Variants in ANKRD28 observed in about 807,000 individuals in gnomAD.
ANKRD28 encodes the protein serine/threonine-protein phosphatase 6 regulatory ankyrin repeat subunit A.
ANKRD28 carries 44 observed loss-of-function variants against 126.5 expected under a neutral mutation model. The ratio of observed to expected loss-of-function variants is 0.35; its 90% CI spans 0.27 to 0.45. The LOEUF (loss-of-function observed/expected upper bound fraction) is 0.45. Ranked by LOEUF, ANKRD28 falls within the 20% of genes least tolerant of loss-of-function variation. The pLI is 1.00. For synonymous variants in ANKRD28, 442 were observed against 468.5 expected (o/e 0.94, Z 0.73); for missense variants, 1,110 against 1,316.6 (o/e 0.84, Z 2.43).
In ANKRD28 at chr3:15,685,996, G is replaced by T. The variant is rs1381633844; in HGVS notation, c.2169+6C>A. ...TTTTGAAAGGAAAGAGCATATTTCT[G>T]CTTACCCCTCTATGCAACGCTGTCC... is the stretch of plus-strand genomic sequence containing the variant. On this transcript the variant is annotated splice_donor_region_variant and intron_variant, in intron 20 of 27. Coordinates refer to ENST00000683139, the MANE Select transcript of ANKRD28 (RefSeq NM_001349278.2). 1.2e-6 allele frequency: 2 copies of T among 1,609,712 alleles called. No homozygotes were observed. Among genetic ancestry groups the T allele is most frequent in the Middle Eastern group, 1.7e-4 (1 of 6,042 alleles).
intron 1 of ANKRD28, among the ~76,000 whole-genome samples, chr3:15,828,264 G>C (rs989401774): frequency 6.6e-6 from 1 of 152,102 alleles, no homozygotes; most frequent in Non-Finnish European, 1.5e-5. Flanking sequence ...CAAAACAGGC[G>C]AATGATTATG....
intron 1 of ANKRD28, among the ~76,000 whole-genome samples, chr3:15,805,076 A>T (rs1365824258): frequency 6.9e-6 from 1 of 144,896 alleles, no homozygotes; most frequent in African/African-American, 2.6e-5. Flanking sequence ...GTGTAGATTC[A>T]ACAGTTACAC....
intron 14 of ANKRD28, among the ~76,000 whole-genome samples, chr3:15,707,711 G>C (rs752588610): frequency 6.6e-6 from 1 of 152,200 alleles, no homozygotes; most frequent in Non-Finnish European, 1.5e-5. Context: ...TCTTCCACCA[G>C]ATCAGCTAGT....
chr3:15,833,510 G>A lies in ANKRD28; in HGVS notation c.27+25867C>T, dbSNP rs914668418. Among the ~76,000 whole-genome samples the A allele has an allele frequency of 4.7e-4, 69 of 146,542 alleles. No homozygotes were observed. Among genetic ancestry groups the A allele is most frequent in the African/African-American group, 1.7e-3 (66 of 39,402 alleles). On this transcript the variant is annotated intron_variant, in intron 1 of 27. Coordinates refer to the ANKRD28 transcript ENST00000399451. This position sits in a 1 kb window ranked among gnomAD's most constrained non-coding sequence, Gnocchi z 4.4. ...TATATAAAAATATACTACATATTATGTACTATATATATATAAAATATATAC... is the reference window on the plus strand; with the variant it reads ...TATATAAAAATATACTACATATTATATACTATATATATATAAAATATATAC...
chr3:15,800,733 T>G (rs1488482803), upstream of ANKRD28, among the ~76,000 whole-genome samples: 1 of 152,120 alleles, frequency 6.6e-6, no homozygotes, highest in Non-Finnish European at 1.5e-5. Context: ...CTTCCATTCT[T>G]CTACCTTCAC....
In ANKRD28 at chr3:15,766,736, T is replaced by TA. The variant is rs1294253057; in HGVS notation, c.202-425dup. 6.6e-5 allele frequency among the ~76,000 whole-genome samples: 10 copies of TA among 151,878 alleles called. No homozygotes were observed. In the East Asian group the frequency reaches 1.9e-3, roughly 29 times the overall value. ...GTATTTCCTTGCTAAGGCAAAAGCCTAAAAAAATACTTGACCTTAAAATAG... is the reference window on the plus strand; with the variant it reads ...GTATTTCCTTGCTAAGGCAAAAGCCTAAAAAAAATACTTGACCTTAAAATAG... On this transcript the variant is annotated intron_variant, in intron 2 of 27. Coordinates refer to ENST00000683139, the MANE Select transcript of ANKRD28 (RefSeq NM_001349278.2).
chr3:15,833,109 C>T lies in ANKRD28; in HGVS notation c.27+26268G>A, dbSNP rs533754953. On this transcript the variant is annotated intron_variant, in intron 1 of 27. Coordinates refer to the ANKRD28 transcript ENST00000399451. This position sits in a 1 kb window ranked among gnomAD's most constrained non-coding sequence, Gnocchi z 4.4. ...TGTGATGGTTAAAACTGAGTGTCAA[C>T]TTGATTGGATTGAAGGATGCAAAGT... is the stretch of plus-strand genomic sequence containing the variant. Among the ~76,000 whole-genome samples, 1 of 152,230 alleles carries T rather than the reference C, an allele frequency of 6.6e-6. No homozygotes were observed. The highest frequency in any genetic ancestry group is 2.4e-5 in the African/African-American group (1 of 41,548).
chr3:15,789,105 G>A (rs1464974437), intron 2 of ANKRD28, among the ~76,000 whole-genome samples: 2 of 152,040 alleles, frequency 1.3e-5, no homozygotes, highest in Non-Finnish European at 2.9e-5. Context: ...TCCACATCCA[G>A]GTGACTTATT....
In ANKRD28 at chr3:15,754,518, A is replaced by C. The variant is rs191204563; in HGVS notation, c.281-2698T>G. Among the ~76,000 whole-genome samples the C allele has an allele frequency of 4.7e-3, 719 of 152,332 alleles. 2 individuals carry two copies. Among genetic ancestry groups the C allele is most frequent in the Non-Finnish European group, 7.3e-3 (499 of 68,032 alleles). On this transcript the variant is annotated intron_variant, in intron 3 of 27. Transcript: ENST00000683139. The stretch of plus-strand genomic sequence containing the variant: ...AAAAAAAAATCATGCTGAGGTTGCT[A>C]AGATCTACAGTAAGAACAAATCTTC...
chr3:15,723,593 C>T (rs999477535), intron 7 of ANKRD28, among the ~76,000 whole-genome samples: 6 of 151,964 alleles, frequency 3.9e-5, no homozygotes, highest in Non-Finnish European at 7.4e-5. Context: ...AAGAGTTAGA[C>T]ACCAGCCTGG....
intron 1 of ANKRD28, among the ~76,000 whole-genome samples, chr3:15,819,807 A>C (rs1438029347): frequency 6.6e-6 from 1 of 152,204 alleles, no homozygotes; most frequent in African/African-American, 2.4e-5. Flanking sequence ...AGGCTGTTAA[A>C]CCAATCAGAA....
At chr3:15,767,817 G>A (rs1408215331) in intron 2 of ANKRD28, among the ~76,000 whole-genome samples, 2 of 149,048 alleles carry the variant, frequency 1.3e-5, no homozygotes, top group Non-Finnish European at 3.0e-5. Flanking sequence ...GAACCCGGGA[G>A]GCAGAGCTTG....
At chr3:15,687,637 A>G (rs987253071) in intron 18 of ANKRD28, among the ~76,000 whole-genome samples, 7 of 152,220 alleles carry the variant, frequency 4.6e-5, no homozygotes, top group Non-Finnish European at 7.3e-5. Context: ...AATATTCCAC[A>G]GTATGTTCCC....
chr3:15,852,325 T>G (rs1259029049), intron 1 of ANKRD28, among the ~76,000 whole-genome samples: 1 of 152,220 alleles, frequency 6.6e-6, no homozygotes, highest in Non-Finnish European at 1.5e-5. Flanking sequence ...TTCTTTAGTA[T>G]TTTTGGTAAC....
At position 15,770,037 on chromosome 3, in the gene ANKRD28, TA is replaced by T. The variant is rs77413206; in HGVS notation, c.202-3726del. ...CCATTGAAAAAGCCTTGGTCTAACT[TA>T]AAAAAAAAAAAAAAAGTTATGTACC... On this transcript the variant is annotated intron_variant, in intron 2 of 27. Transcript: ENST00000683139. 6.7e-3 allele frequency among the ~76,000 whole-genome samples: 893 copies of T among 133,170 alleles called. 3 individuals are homozygous for T. The highest frequency in any genetic ancestry group is 0.025 in the South Asian group (106 of 4,218). The allele number at this position is 133,170 out of a possible 152,430, so 87.4% of individuals were successfully genotyped here. A position where few individuals can be genotyped will look rare whatever the true frequency, so the allele number is the denominator to read the frequency against.
intron 4 of ANKRD28, among the ~76,000 whole-genome samples, chr3:15,749,570 T>G (rs576790852): frequency 4.6e-4 from 70 of 152,338 alleles, no homozygotes; most frequent in African/African-American, 1.7e-3. Flanking sequence ...TTAAATAACC[T>G]TGTTTTGTCA....
At chr3:15,728,140 T>C (rs765727200) in intron 6 of ANKRD28, among the ~76,000 whole-genome samples, 12 of 151,618 alleles carry the variant, frequency 7.9e-5, no homozygotes, top group Non-Finnish European at 1.6e-4. Flanking sequence ...TAAAGGCTCA[T>C]ACGATAGTTA....
At chr3:15,823,040 T>A (rs935444717) in intron 1 of ANKRD28, among the ~76,000 whole-genome samples, 1 of 152,118 alleles carries the variant, frequency 6.6e-6, no homozygotes, top group African/African-American at 2.4e-5. Context: ...ACCCAAGAAA[T>A]AGAAAACTGA....
intron 14 of ANKRD28, among the ~76,000 whole-genome samples, chr3:15,700,211 A>C (rs2070349284): frequency 6.6e-6 from 1 of 152,160 alleles, no homozygotes; most frequent in Non-Finnish European, 1.5e-5. Context: ...GGAACATTAC[A>C]CACACAACTC....
Sources: allele counts gnomAD v4.1 joint callset (sites outside exome capture counted in the v4.1 genomes callset), GRCh38; gene constraint gnomAD v4.1.1; non-coding constraint Gnocchi (gnomAD v3.1); transcripts MANE v1.5; gene names NCBI Gene and HGNC (gene_info 2026-07-23, HGNC 2026-07-21).